Variants in PTPRM observed in about 807,000 individuals in gnomAD.
PTPRM encodes protein tyrosine phosphatase receptor type M, also known as receptor-type tyrosine-protein phosphatase mu.
In PTPRM, 47 loss-of-function variants were observed where a neutral mutation model predicts 186.7. The observed-to-expected ratio is 0.25, with a 90% CI of 0.20 to 0.32. The LOEUF is 0.32. Ranked by LOEUF, PTPRM falls within the 10% of genes least tolerant of loss-of-function variation. The pLI, the probability that PTPRM is intolerant of heterozygous loss-of-function variation, is 1.00. For synonymous variants in PTPRM, 668 were observed against 674.9 expected (o/e 0.99, Z 0.16); for missense variants, 1,494 against 1,865.0 (o/e 0.80, Z 3.66).
intron 1 of PTPRM, among the ~76,000 whole-genome samples, chr18:7,725,725 A>C (rs990327720): frequency 6.6e-6 from 1 of 152,088 alleles, no homozygotes; most frequent in African/African-American, 2.4e-5. Flanking sequence ...CCAAGGGAAC[A>C]TTACCTTCCT....
chr18:8,363,265 G>A lies in PTPRM; in HGVS notation c.3055-7625G>A, dbSNP rs116323684. On this transcript the variant is annotated intron_variant, in intron 23 of 32. Transcript: ENST00000580170. ...TACCCCACAAAGTTAATGGGAGCGG[G>A]CGTATAATCAGATAGCGTTAGGAGT... 6.0e-3 allele frequency among the ~76,000 whole-genome samples: 916 copies of A among 152,302 alleles called. 9 individuals carry two copies. Among genetic ancestry groups the A allele is most frequent in the African/African-American group, 0.021 (870 of 41,572 alleles).
intron 2 of PTPRM, among the ~76,000 whole-genome samples, chr18:7,822,046 T>C (rs931414142): frequency 3.9e-5 from 6 of 152,232 alleles, no homozygotes; most frequent in Admixed American, 2.6e-4. Context: ...ATATAGCTGC[T>C]TAAGATGTAA....
intron 31 of PTPRM, among the ~76,000 whole-genome samples, chr18:8,389,308 C>T (rs560197018): frequency 2.6e-5 from 4 of 152,112 alleles, no homozygotes; most frequent in Non-Finnish European, 5.9e-5. Context: ...ACTAGTGACT[C>T]GAAGAAGTTG....
At chr18:7,983,913 G>A (rs887006194) in intron 7 of PTPRM, among the ~76,000 whole-genome samples, 1 of 152,140 alleles carries the variant, frequency 6.6e-6, no homozygotes, top group African/African-American at 2.4e-5. Flanking sequence ...ATGCTAAAGA[G>A]CCAGAGACAT....
chr18:7,572,468 A>G (rs1300166106), intron 1 of PTPRM, among the ~76,000 whole-genome samples: 2 of 152,198 alleles, frequency 1.3e-5, no homozygotes, highest in Non-Finnish European at 1.5e-5. Context: ...AAGGATTGTA[A>G]TATATTCTAG....
At chr18:8,187,130 G>T (rs1040296583) in intron 14 of PTPRM, among the ~76,000 whole-genome samples, 6 of 152,048 alleles carry the variant, frequency 3.9e-5, no homozygotes, top group Non-Finnish European at 5.9e-5. Context: ...AGCAGAGAAG[G>T]GTTTTCACCA....
At chr18:7,729,337 T>C (rs977689158) in intron 1 of PTPRM, among the ~76,000 whole-genome samples, 1 of 152,120 alleles carries the variant, frequency 6.6e-6, no homozygotes, top group Non-Finnish European at 1.5e-5. Context: ...ACAGGTGTTG[T>C]GTGACCCTGA....
At chr18:8,386,409 G>A (rs910211665) in intron 30 of PTPRM, among the ~76,000 whole-genome samples, 1 of 152,138 alleles carries the variant, frequency 6.6e-6, no homozygotes, top group East Asian at 1.9e-4. Context: ...ACTGCTGTGG[G>A]AGAAGGACCA....
chr18:7,595,176 T>C (rs911112987), intron 1 of PTPRM, among the ~76,000 whole-genome samples: 1 of 152,218 alleles, frequency 6.6e-6, no homozygotes, highest in African/African-American at 2.4e-5. Context: ...AAGGCAGGGA[T>C]GGCTTTTGCT....
chr18:7,994,985 G>GA (rs1344323546), intron 7 of PTPRM, among the ~76,000 whole-genome samples: 7 of 151,992 alleles, frequency 4.6e-5, no homozygotes, highest in African/African-American at 1.7e-4. Flanking sequence ...AGAACTAAAT[G>GA]AAATGGAGAC....
chr18:8,181,247 A>G (rs2093569751), intron 14 of PTPRM, among the ~76,000 whole-genome samples: 1 of 152,190 alleles, frequency 6.6e-6, no homozygotes, highest in South Asian at 2.1e-4. Context: ...GAGAATTGAG[A>G]GTGATTCCAT....
At chr18:7,796,549 C>T (rs537608238) in intron 2 of PTPRM, among the ~76,000 whole-genome samples, 3 of 152,284 alleles carry the variant, frequency 2.0e-5, no homozygotes, top group East Asian at 1.9e-4. Context: ...AGCAGTGTCA[C>T]CCAAGGGGGT....
At chr18:8,075,325 C>G (rs1311596182) in intron 8 of PTPRM, among the ~76,000 whole-genome samples, 1 of 152,062 alleles carries the variant, frequency 6.6e-6, no homozygotes, top group African/African-American at 2.4e-5. Context: ...CAACACCACA[C>G]TGTCTTGATT....
intron 5 of PTPRM, among the ~76,000 whole-genome samples, chr18:7,948,601 A>G (rs1276645918): frequency 6.6e-6 from 1 of 152,188 alleles, no homozygotes; most frequent in Non-Finnish European, 1.5e-5. Context: ...CTTGTTACGT[A>G]TGAATGTCAT....
intron 1 of PTPRM, among the ~76,000 whole-genome samples, chr18:7,754,319 C>T (rs1271443774): frequency 6.6e-6 from 1 of 152,204 alleles, no homozygotes; most frequent in Non-Finnish European, 1.5e-5. Flanking sequence ...CCCGACATTT[C>T]CTGTGTGCTT....
At chr18:8,082,807 ATGTCATACATGTGTGTCCACCTGAC>A (rs1328942113) in intron 9 of PTPRM, among the ~76,000 whole-genome samples, 9 of 151,788 alleles carry the variant, frequency 5.9e-5, no homozygotes, top group Non-Finnish European at 1.2e-4. Flanking sequence ...TCACAGCTTC[ATGTCATACATGTGTGTCCACCTGAC>A]TGCCGTGGGC....
At chr18:8,129,042 G>A (rs2092441171) in intron 13 of PTPRM, among the ~76,000 whole-genome samples, 1 of 151,956 alleles carries the variant, frequency 6.6e-6, no homozygotes, top group Non-Finnish European at 1.5e-5. Context: ...GGTGTATTAC[G>A]CATATCCAAA....
At chr18:8,354,752 T>G (rs2095554792) in intron 23 of PTPRM, among the ~76,000 whole-genome samples, 1 of 152,198 alleles carries the variant, frequency 6.6e-6, no homozygotes, top group Non-Finnish European at 1.5e-5. Flanking sequence ...GGAGATGTCT[T>G]TGGTACGTAC....
At chr18:7,821,149 C>T (rs2045169481) in intron 2 of PTPRM, among the ~76,000 whole-genome samples, 1 of 152,168 alleles carries the variant, frequency 6.6e-6, no homozygotes, top group Non-Finnish European at 1.5e-5. Flanking sequence ...CTCTCAGCCC[C>T]AGGACGTTGT....
Sources: gnomAD v4.1 joint callset for allele counts (sites outside exome capture counted in the v4.1 genomes callset) on GRCh38, gnomAD v4.1.1 for gene constraint, MANE v1.5 for transcripts, NCBI Gene and HGNC (gene_info 2026-07-23, HGNC 2026-07-21) for gene names.